The following PEBP4 variants were observed in gnomAD, a reference collection of about 807,000 sequenced individuals.
PEBP4 encodes phosphatidylethanolamine-binding protein 4.
In PEBP4, 22 loss-of-function variants were observed where a neutral mutation model predicts 23.9. The ratio of observed to expected loss-of-function variants is 0.92; its 90% CI spans 0.66 to 1.31. The LOEUF (loss-of-function observed/expected upper bound fraction) is 1.31. Ranked by LOEUF, PEBP4 falls within the 40% of genes most tolerant of loss-of-function variation. The pLI, the probability that PEBP4 is intolerant of heterozygous loss-of-function variation, is 0.00. For synonymous variants in PEBP4, 112 were observed against 99.3 expected, an observed-to-expected ratio of 1.13 and a Z score of -0.76; for missense variants, 324 against 281.7, an observed-to-expected ratio of 1.15 and a Z score of -1.07.
At chr8:22,765,015 G>A (rs910244756) in intron 4 of PEBP4, among the ~76,000 whole-genome samples, 3 of 152,008 alleles carry the variant, frequency 2.0e-5, no homozygotes, top group South Asian at 4.2e-4. Flanking sequence ...CCTGCAAATC[G>A]CGGTTCTGCC....
At chr8:22,758,397 T>C (rs753842158) in intron 4 of PEBP4, among the ~76,000 whole-genome samples, 3 of 152,220 alleles carry the variant, frequency 2.0e-5, no homozygotes, top group Non-Finnish European at 4.4e-5. Context: ...TGGTCACATG[T>C]TCTTTGTTTG....
At chr8:22,919,577 C>T (rs1199051440) in intron 3 of PEBP4, among the ~76,000 whole-genome samples, 7 of 152,210 alleles carry the variant, frequency 4.6e-5, no homozygotes, top group African/African-American at 1.4e-4. Context: ...AATGTAATAG[C>T]ACTAATCACT....
chr8:22,724,627 G>A (rs1288168421), intron 6 of PEBP4, among the ~76,000 whole-genome samples: 1 of 152,172 alleles, frequency 6.6e-6, no homozygotes, highest in South Asian at 2.1e-4. Flanking sequence ...CCTCTACACT[G>A]GTCTGTGGGA....
intron 3 of PEBP4, among the ~76,000 whole-genome samples, chr8:22,842,174 G>A (rs558647449): frequency 1.4e-4 from 21 of 152,350 alleles, no homozygotes; most frequent in African/African-American, 3.8e-4. Context: ...TAGTCAACTC[G>A]TCTAATTCAT....
chr8:22,894,546 C>A (rs1362834204), intron 3 of PEBP4, among the ~76,000 whole-genome samples: 1 of 152,154 alleles, frequency 6.6e-6, no homozygotes, highest in Non-Finnish European at 1.5e-5. Context: ...CATGCCACTG[C>A]ACTCCAGCTT....
chr8:22,891,227 A>G (rs1808485512), intron 3 of PEBP4, among the ~76,000 whole-genome samples: 1 of 147,660 alleles, frequency 6.8e-6, no homozygotes, highest in African/African-American at 2.5e-5. Flanking sequence ...TTTCTTCCAT[A>G]TGCACTTGCC....
chr8:22,901,724 G>A (rs780986748), intron 3 of PEBP4, among the ~76,000 whole-genome samples: 2 of 152,224 alleles, frequency 1.3e-5, no homozygotes, highest in African/African-American at 2.4e-5. Context: ...GAGAATACAA[G>A]TCAGTAACTC....
At chr8:22,932,929 C>T (rs1809480502) in intron 1 of PEBP4, among the ~76,000 whole-genome samples, 1 of 150,090 alleles carries the variant, frequency 6.7e-6, no homozygotes, top group South Asian at 2.1e-4. Context: ...CACTTGAACC[C>T]AGGAGGCGGA....
chr8:22,752,068 T>C (rs1306050811), intron 4 of PEBP4, among the ~76,000 whole-genome samples: 1 of 152,188 alleles, frequency 6.6e-6, no homozygotes, highest in Admixed American at 6.5e-5. Context: ...GGCTAATTTT[T>C]TTAAAAAGTT....
At chr8:22,874,786 A>T (rs1363049862) in intron 3 of PEBP4, among the ~76,000 whole-genome samples, 1 of 152,218 alleles carries the variant, frequency 6.6e-6, no homozygotes, top group Non-Finnish European at 1.5e-5. Flanking sequence ...ATAAATATGT[A>T]TAAAATGTAA....
At chr8:22,725,137 A>C (rs1434875228) in intron 5 of PEBP4, among the ~76,000 whole-genome samples, 181 bp from the exon 6 acceptor site, 3 of 151,354 alleles carry the variant, frequency 2.0e-5, no homozygotes, top group African/African-American at 7.3e-5. Flanking sequence ...TAAGAAGTAC[A>C]TATTTTGGTG....
intron 3 of PEBP4, among the ~76,000 whole-genome samples, chr8:22,912,884 T>C (rs1022921079): frequency 6.6e-6 from 1 of 152,198 alleles, no homozygotes; most frequent in African/African-American, 2.4e-5. Flanking sequence ...GATTCGTCCT[T>C]GCCTGGGTGC....
chr8:22,807,760 C>T (rs1474149588), intron 4 of PEBP4, among the ~76,000 whole-genome samples: 1 of 152,098 alleles, frequency 6.6e-6, no homozygotes, highest in East Asian at 1.9e-4. Flanking sequence ...TGATGCCACC[C>T]CATCCATATA....
intron 4 of PEBP4, among the ~76,000 whole-genome samples, chr8:22,776,824 C>T (rs1805824075): frequency 6.7e-6 from 1 of 150,226 alleles, no homozygotes; most frequent in Non-Finnish European, 1.5e-5. Context: ...TGCCAGCTGA[C>T]TCCTCCTCTT....
chr8:22,759,295 G>T (rs1368808232), intron 4 of PEBP4, among the ~76,000 whole-genome samples: 2 of 152,044 alleles, frequency 1.3e-5, no homozygotes, highest in African/African-American at 4.8e-5. Context: ...TACCCGGGGA[G>T]TACCCAGTCC....
intron 3 of PEBP4, among the ~76,000 whole-genome samples, chr8:22,841,874 A>G (rs1807337134): frequency 6.6e-6 from 1 of 152,266 alleles, no homozygotes; most frequent in Non-Finnish European, 1.5e-5. Flanking sequence ...GCCTTCGCAG[A>G]GAACCATCGT....
At chr8:22,713,843 C>T (rs747192462) in intron 6 of PEBP4, among the ~76,000 whole-genome samples, 12 of 115,034 alleles carry the variant, frequency 1.0e-4, no homozygotes, top group African/African-American at 2.2e-4. Flanking sequence ...ACTGCCTTCT[C>T]GCTCCCGCTC....
At chr8:22,751,370 C>G (rs139580847) in intron 4 of PEBP4, among the ~76,000 whole-genome samples, 1 of 152,224 alleles carries the variant, frequency 6.6e-6, no homozygotes, top group Non-Finnish European at 1.5e-5. Context: ...TGCTTCTTCC[C>G]TGCAAATCCT....
intron 4 of PEBP4, among the ~76,000 whole-genome samples, chr8:22,813,458 C>T (rs193142967): frequency 6.6e-6 from 1 of 152,242 alleles, no homozygotes; most frequent in Admixed American, 6.5e-5. Flanking sequence ...ACCATCTTCC[C>T]GTGTTCAATA....
Sources: allele counts gnomAD v4.1 joint callset (sites outside exome capture counted in the v4.1 genomes callset), GRCh38; gene constraint gnomAD v4.1.1; transcripts MANE v1.5; gene names NCBI Gene and HGNC (gene_info 2026-07-23, HGNC 2026-07-21).